The following NUDT3 variants were observed in gnomAD, a reference collection of about 807,000 sequenced individuals.
NUDT3 encodes diphosphoinositol polyphosphate phosphohydrolase 1.
NUDT3 carries 9 observed loss-of-function variants against 23.6 expected under a neutral mutation model. The ratio of observed to expected loss-of-function variants is 0.38; its 90% CI spans 0.23 to 0.66. The LOEUF is 0.66. NUDT3 is among the 30% of genes least tolerant of loss of function. The probability of loss-of-function intolerance (pLI) is 0.52; values close to 1 mark genes in which losing one functional copy is unlikely to be tolerated. For synonymous variants in NUDT3, 86 were observed against 82.6 expected (o/e 1.04, Z -0.22); for missense variants, 172 against 218.5 (o/e 0.79, Z 1.34).
intron 1 of NUDT3, among the ~76,000 whole-genome samples, chr6:34,364,499 C>T (rs1764696475): frequency 1.3e-5 from 2 of 152,046 alleles, no homozygotes; most frequent in South Asian, 4.1e-4. Flanking sequence ...CCTGCCATGG[C>T]CTAGGATATT....
chr6:34,391,325 T>A (rs1765195555), intron 1 of NUDT3, among the ~76,000 whole-genome samples: 1 of 152,200 alleles, frequency 6.6e-6, no homozygotes, highest in African/African-American at 2.4e-5. Flanking sequence ...TTTACCACCA[T>A]GCACACGAGA....
chr6:34,357,761 G>GA (rs775597691), intron 1 of NUDT3, among the ~76,000 whole-genome samples: 1 of 152,078 alleles, frequency 6.6e-6, no homozygotes, highest in Non-Finnish European at 1.5e-5. Context: ...ATAGATTTCA[G>GA]AAAAAACTGT....
rs1375608873 is a variant in NUDT3 at position 34,286,538 on chromosome 6, A to G, written c.*2215T>C. The G allele has an allele frequency of 6.6e-6, 1 of 152,178 alleles. No homozygotes were observed. Among genetic ancestry groups the G allele is most frequent in the Admixed American group, 6.5e-5 (1 of 15,270 alleles). 9.4% of individuals were successfully genotyped at this position (152,178 alleles called of 1,614,324 possible). ...TTTGCCCTTTATTTATTTGAACAGAACTTTAGAATGCTCTAGGTCAGGAAA... is the reference window on the plus strand; with the variant it reads ...TTTGCCCTTTATTTATTTGAACAGAGCTTTAGAATGCTCTAGGTCAGGAAA... On this transcript the variant is annotated 3_prime_UTR_variant, in exon 5 of 5. Coordinates refer to ENST00000607016, the MANE Select transcript of NUDT3 (RefSeq NM_006703.4).
chr6:34,369,688 T>C (rs749006200), intron 1 of NUDT3, among the ~76,000 whole-genome samples: 3 of 152,204 alleles, frequency 2.0e-5, no homozygotes, highest in Non-Finnish European at 2.9e-5. Context: ...TCTAAAGTCA[T>C]TTACCATGTC....
intron 2 of NUDT3, among the ~76,000 whole-genome samples, chr6:34,335,764 T>G (rs1489450328): frequency 2.0e-5 from 3 of 150,182 alleles, no homozygotes; most frequent in Non-Finnish European, 3.0e-5. Flanking sequence ...TTTTTTTTTT[T>G]GTTTTTTAAG....
chr6:34,304,834 C>CTTT (rs533001818), intron 2 of NUDT3, among the ~76,000 whole-genome samples: 2 of 130,764 alleles, frequency 1.5e-5, no homozygotes, highest in African/African-American at 2.8e-5. Flanking sequence ...TAATTAAAAA[C>CTTT]TTTTTTTTTT....
chr6:34,369,352 C>A (rs1764792339), intron 1 of NUDT3, among the ~76,000 whole-genome samples: 1 of 152,164 alleles, frequency 6.6e-6, no homozygotes. Flanking sequence ...TCTCTTCTTT[C>A]ATCATTCAGA....
intron 1 of NUDT3, among the ~76,000 whole-genome samples, chr6:34,381,339 C>T (rs1334128013): frequency 6.6e-6 from 1 of 152,080 alleles, no homozygotes; most frequent in African/African-American, 2.4e-5. Flanking sequence ...TGCCAGTAGA[C>T]TGAAGCTCAG....
intron 1 of NUDT3, among the ~76,000 whole-genome samples, chr6:34,372,687 C>T (rs867606247): frequency 7.2e-5 from 11 of 151,896 alleles, no homozygotes; most frequent in African/African-American, 2.7e-4. Context: ...GCCTGTAATC[C>T]CAGCTACTAG....
chr6:34,384,865 C>CCA (rs1311212808), intron 1 of NUDT3, among the ~76,000 whole-genome samples: 5 of 151,266 alleles, frequency 3.3e-5, no homozygotes, highest in African/African-American at 9.7e-5. Context: ...GACCCTGTCT[C>CCA]CACACACACA....
At position 34,392,339 on chromosome 6, in the gene NUDT3, C is replaced by G. The variant is rs369131117; in HGVS notation, c.24G>C (p.Gln8His). The G allele has an allele frequency of 6.2e-7, 1 of 1,605,310 alleles. No individual in the cohort carries two copies. Among genetic ancestry groups the G allele is most frequent in the African/African-American group, 1.4e-5 (1 of 73,494 alleles). Residue 8 changes from glutamine to histidine, a missense_variant, in exon 1 of 5, where the codon CAG becomes CAC. Gln to His is a conservative substitution (Grantham distance 24). Transcript: ENST00000607016. MMKLKSNQTRTYDGDGYK... is the reference protein window; with the variant it reads MMKLKSNHTRTYDGDGYK... ...AGCCGTCGCCGTCGTAGGTGCGGGTCTGGTTCGACTTGAGCTTCATCATCC... is the reference window on the plus strand; with the variant it reads ...AGCCGTCGCCGTCGTAGGTGCGGGTGTGGTTCGACTTGAGCTTCATCATCC...
chr6:34,382,815 A>C (rs1260224336), intron 1 of NUDT3, among the ~76,000 whole-genome samples: 1 of 151,364 alleles, frequency 6.6e-6, no homozygotes, highest in Non-Finnish European at 1.5e-5. Flanking sequence ...TGGATGACAG[A>C]GCAAGACCCT....
intron 1 of NUDT3, among the ~76,000 whole-genome samples, chr6:34,371,297 G>A (rs1425852323): frequency 1.3e-5 from 2 of 151,230 alleles, no homozygotes; most frequent in African/African-American, 4.9e-5. Flanking sequence ...GGTGGAATTC[G>A]TCTCCACTGA....
chr6:34,378,817 T>G (rs1764967391), intron 1 of NUDT3, among the ~76,000 whole-genome samples: 1 of 152,218 alleles, frequency 6.6e-6, no homozygotes, highest in African/African-American at 2.4e-5. Flanking sequence ...CCAAAAAGAA[T>G]GGTACTCTTC....
In NUDT3 at chr6:34,282,160, A is replaced by G. The variant is rs1763287149; in HGVS notation, c.*6593T>C. ...CCCTTGGACCACTGATTAGTGACAC[A>G]TTTTCTCCACAACAAAGGGAGGTTA... On this transcript the variant is annotated 3_prime_UTR_variant, in exon 5 of 5. Transcript: ENST00000607016. The G allele has an allele frequency of 6.6e-6, 1 of 152,168 alleles. No individual in the cohort carries two copies. Among genetic ancestry groups the G allele is most frequent in the African/African-American group, 2.4e-5 (1 of 41,432 alleles). The allele number at this position is 152,168 out of a possible 1,614,324, so 9.4% of individuals were successfully genotyped here. A position where few individuals can be genotyped will look rare whatever the true frequency, so the allele number is the denominator to read the frequency against.
intron 1 of NUDT3, among the ~76,000 whole-genome samples, chr6:34,369,257 T>C (rs547123464): frequency 1.3e-5 from 2 of 152,348 alleles, no homozygotes; most frequent in South Asian, 4.1e-4. Context: ...TATCTCCATC[T>C]TGACTTTTTA....
chr6:34,390,114 G>A (rs779174144), intron 1 of NUDT3, among the ~76,000 whole-genome samples: 1 of 151,994 alleles, frequency 6.6e-6, no homozygotes, highest in African/African-American at 2.4e-5. Flanking sequence ...CTCCAGCCTG[G>A]GCGAAAGAGC....
At chr6:34,340,496 A>G (rs1341076528) in intron 2 of NUDT3, among the ~76,000 whole-genome samples, 1 of 152,226 alleles carries the variant, frequency 6.6e-6, no homozygotes, top group Admixed American at 6.5e-5. Flanking sequence ...TAGGTCACGC[A>G]GCTATTAACT....
intron 2 of NUDT3, among the ~76,000 whole-genome samples, chr6:34,327,759 A>T (rs1424562020): frequency 6.6e-6 from 1 of 152,094 alleles, no homozygotes; most frequent in Non-Finnish European, 1.5e-5. Flanking sequence ...GGTGAAGCAG[A>T]GTGTTCCCTG....
Sources: allele counts gnomAD v4.1 joint callset (sites outside exome capture counted in the v4.1 genomes callset), GRCh38; gene constraint gnomAD v4.1.1; transcripts MANE v1.5; gene names NCBI Gene and HGNC (gene_info 2026-07-23, HGNC 2026-07-21).